Variants in SLC9A4 observed in about 807,000 individuals in gnomAD.
SLC9A4 encodes sodium/hydrogen exchanger 4.
A neutral mutation model predicts 67.4 loss-of-function variants in SLC9A4; 63 were observed. The observed-to-expected ratio is 0.93, with a 90% CI of 0.76 to 1.15. SLC9A4 has a LOEUF of 1.15. Among genes scored for constraint, SLC9A4 ranks in the 50% most tolerant of loss-of-function variants. SLC9A4 has a pLI of 0.00. For synonymous variants in SLC9A4, 393 were observed against 367.2 expected (o/e 1.07, Z -0.80); for missense variants, 1,089 against 987.7 (o/e 1.10, Z -1.38).
At chr2:102,512,301 G>C (rs1484835269) in intron 7 of SLC9A4, 28 bp downstream of exon 7, 1 of 1,609,220 alleles carries the variant, frequency 6.2e-7, no homozygotes, top group African/African-American at 1.3e-5. Context: ...TTCACTCCCT[G>C]ACAAACTTCT....
rs532817519 is a variant in SLC9A4, at chr2:102,532,861, G to A, written c.*173G>A. The A allele has an allele frequency of 3.1e-5, 20 of 638,588 alleles. No homozygotes were observed. Among genetic ancestry groups the A allele is most frequent in the African/African-American group, 5.5e-5 (3 of 54,498 alleles). The allele number at this position is 638,588 out of a possible 1,614,324, so 39.6% of individuals were successfully genotyped here. ...TTTTCCAAGGACTGGGAGCAAACTT[G>A]CAGGCTCTGCCATGTACTTATTGTG... is the stretch of plus-strand genomic sequence containing the variant. On this transcript the variant is annotated 3_prime_UTR_variant, in exon 12 of 12. Transcript: ENST00000295269.
At position 102,525,125 on chromosome 2, in the gene SLC9A4, G is replaced by A; in HGVS notation, c.1920G>A (p.Arg640=). 1 of 1,614,062 alleles carries A rather than the reference G, an allele frequency of 6.2e-7. No individual in the cohort carries two copies. Among genetic ancestry groups the A allele is most frequent in the Non-Finnish European group, 8.5e-7 (1 of 1,179,978 alleles). The change falls in exon 10 of 12, where the codon AGG becomes AGA. Residue 640 remains arginine, a synonymous_variant. Coordinates refer to ENST00000295269, the MANE Select transcript of SLC9A4 (RefSeq NM_001011552.4). The stretch of plus-strand genomic sequence containing the variant: ...AGAACACCTTAAGGGAGAGCATGAG[G>A]AAAGGTCACAGCCTGCCCTGGGGAA... ...RRQNTLRESM[R]KGHSLPWGKP... is the part of the protein sequence containing the mutation.
At chr2:102,519,644 A>G (rs1367495615) in intron 8 of SLC9A4, among the ~76,000 whole-genome samples, 2 of 152,246 alleles carry the variant, frequency 1.3e-5, no homozygotes, top group African/African-American at 4.8e-5. Flanking sequence ...ATTACCATAT[A>G]TAAGCTATAG....
chr2:102,474,137 C>A lies in SLC9A4; in HGVS notation c.256+122C>A, dbSNP rs995740621. ...TGTTACTGCTATTACATTAAAAATT[C>A]TCTTCCCTTCAGTCAAGGGAAAGTC... On this transcript the variant is annotated intron_variant, in intron 1 of 11. Transcript: ENST00000295269. The A allele has an allele frequency of 1.4e-5, 16 of 1,184,682 alleles. No individual in the cohort carries two copies. In the Admixed American group the frequency reaches 2.7e-4, roughly 20 times the overall value. 73.4% of individuals were successfully genotyped at this position (1,184,682 alleles called of 1,614,324 possible).
intron 4 of SLC9A4, among the ~76,000 whole-genome samples, chr2:102,506,381 C>T (rs928561484): frequency 2.0e-5 from 3 of 152,148 alleles, no homozygotes; most frequent in Admixed American, 1.3e-4. Context: ...GGCTGATAAC[C>T]TATCTTGAAC....
At chr2:102,480,906 G>T (rs1005512058) in intron 2 of SLC9A4, among the ~76,000 whole-genome samples, 3 of 152,174 alleles carry the variant, frequency 2.0e-5, no homozygotes, top group African/African-American at 7.2e-5. Flanking sequence ...GCTTGGGAAC[G>T]GAATGAACAA....
rs1276561602 is a variant in SLC9A4 at position 102,473,506 on chromosome 2, A to G, written c.-254A>G. ...GGAGGTCCTCCAGGTAGCTCCATGG[A>G]CTTTAACAAGTCTATTGAATAACTG... is the stretch of plus-strand genomic sequence containing the variant. On this transcript the variant is annotated 5_prime_UTR_variant, in exon 1 of 12. Coordinates refer to ENST00000295269, the MANE Select transcript of SLC9A4 (RefSeq NM_001011552.4). 1 of 496,528 alleles carries G rather than the reference A, an allele frequency of 2.0e-6. No homozygotes were observed. Among genetic ancestry groups the G allele is most frequent in the Non-Finnish European group, 3.6e-6 (1 of 280,026 alleles). The allele number at this position is 496,528 out of a possible 1,614,324, so 30.8% of individuals were successfully genotyped here.
At chr2:102,510,474 G>A (rs1685145665) in intron 6 of SLC9A4, among the ~76,000 whole-genome samples, 1 of 152,136 alleles carries the variant, frequency 6.6e-6, no homozygotes, top group African/African-American at 2.4e-5. Flanking sequence ...GGAAGCCTCA[G>A]GCCTGTTCTT....
intron 4 of SLC9A4, among the ~76,000 whole-genome samples, chr2:102,507,560 C>T (rs1452733566): frequency 1.3e-5 from 2 of 152,052 alleles, no homozygotes; most frequent in African/African-American, 4.8e-5. Flanking sequence ...TCTTTGCTTG[C>T]ATTGAACCTC....
At position 102,473,729 on chromosome 2, in the gene SLC9A4, A is replaced by T; in HGVS notation, c.-31A>T. On this transcript the variant is annotated 5_prime_UTR_variant, in exon 1 of 12. Transcript: ENST00000295269. ...CTTCAGATGTGTGGCACACATCCAC[A>T]CAGGGGTGTAGGTAGGAGAAGCCCA... 6.2e-7 allele frequency: 1 copy of T among 1,610,290 alleles called. No homozygotes were observed. The highest frequency in any genetic ancestry group is 1.1e-5 in the South Asian group (1 of 90,870).
At chr2:102,529,245 A>C (rs767864989) in intron 11 of SLC9A4, among the ~76,000 whole-genome samples, 3 of 152,230 alleles carry the variant, frequency 2.0e-5, no homozygotes, top group African/African-American at 2.4e-5. Flanking sequence ...TTTTCTTTCA[A>C]ATATACTCGA....
At chr2:102,493,203 C>G (rs548709248) in intron 2 of SLC9A4, among the ~76,000 whole-genome samples, 1 of 149,472 alleles carries the variant, frequency 6.7e-6, no homozygotes, top group South Asian at 2.1e-4. Flanking sequence ...CTGAGCCCTT[C>G]AAATTGTTCC....
chr2:102,510,254 C>CAGATAG (rs1685136496), intron 6 of SLC9A4, among the ~76,000 whole-genome samples: 1 of 148,428 alleles, frequency 6.7e-6, no homozygotes, highest in East Asian at 2.0e-4. Flanking sequence ...GATACAGATA[C>CAGATAG]AGATACAGAT....
At chr2:102,501,108 G>A (rs982719777) in intron 2 of SLC9A4, among the ~76,000 whole-genome samples, 6 of 151,638 alleles carry the variant, frequency 4.0e-5, no homozygotes, top group Admixed American at 2.6e-4. Context: ...ACAGGCATGC[G>A]CCACCATGCC....
chr2:102,503,729 AG>A (rs1684992770), intron 3 of SLC9A4, 22 bp downstream of exon 3: 1 of 1,609,832 alleles, frequency 6.2e-7, no homozygotes, highest in Non-Finnish European at 8.5e-7. Flanking sequence ...CCAAGGATCA[AG>A]TCACATAGTA....
intron 9 of SLC9A4, 38 bp from the exon 10 acceptor site, chr2:102,524,986 G>C (rs746825448): frequency 8.7e-6 from 14 of 1,611,584 alleles, no homozygotes; most frequent in African/African-American, 1.3e-5. Context: ...GTTGTATGGA[G>C]GAGTCCTTAC....
In SLC9A4 at chr2:102,508,918, A is replaced by G. The variant is rs937906199; in HGVS notation, c.1473A>G (p.Glu491=). 7 of 1,612,054 alleles carry G rather than the reference A, an allele frequency of 4.3e-6. No homozygotes were observed. Among genetic ancestry groups the G allele is most frequent in the Non-Finnish European group, 5.9e-6 (7 of 1,179,050 alleles). The change falls in exon 6 of 12, where the codon GAA becomes GAG. Residue 491 remains glutamate (E), a synonymous_variant. Coordinates refer to ENST00000295269, the MANE Select transcript of SLC9A4 (RefSeq NM_001011552.4). The stretch of plus-strand genomic sequence containing the variant: ...CCAATAAAAAAGAATCCATCAATGA[A>G]GAGCTTCATATTCGTGTAAGTTATC... ...KKTNKKESIN[E]ELHIRLMDHL... is the part of the protein sequence containing the mutation.
At chr2:102,482,517 T>A (rs79032317) in intron 2 of SLC9A4, among the ~76,000 whole-genome samples, 4,210 of 152,200 alleles carry the variant, frequency 0.028, 174 homozygotes, top group East Asian at 0.09. Flanking sequence ...TACTTTCAGT[T>A]TTGTTACAAA....
At chr2:102,532,174 T>C (rs1333747130) in intron 11 of SLC9A4, among the ~76,000 whole-genome samples, 156 bp from the exon 12 acceptor site, 1 of 152,172 alleles carries the variant, frequency 6.6e-6, no homozygotes, top group African/African-American at 2.4e-5. Context: ...GCAGTGTCCT[T>C]GAGAAGGAAA....
Sources: allele counts gnomAD v4.1 joint callset (sites outside exome capture counted in the v4.1 genomes callset), GRCh38; gene constraint gnomAD v4.1.1; transcripts MANE v1.5; gene names NCBI Gene and HGNC (gene_info 2026-07-23, HGNC 2026-07-21).